Variants in ESRRB observed in about 807,000 individuals in gnomAD.
The protein encoded by ESRRB is steroid hormone receptor ERR2.
ESRRB carries 16 observed loss-of-function variants against 46.0 expected under a neutral mutation model. The observed-to-expected ratio is 0.35, with a 90% CI of 0.24 to 0.53. ESRRB has a LOEUF of 0.53. Among genes scored for constraint, ESRRB ranks in the 20% least tolerant of loss-of-function variants. The pLI, the probability that ESRRB is intolerant of heterozygous loss-of-function variation, is 0.93. For missense variants in ESRRB, 488 were observed against 607.4 expected, an observed-to-expected ratio of 0.80 and a Z score of 2.07; for synonymous variants, 246 against 259.6, an observed-to-expected ratio of 0.95 and a Z score of 0.50.
intron 1 of ESRRB, among the ~76,000 whole-genome samples, chr14:76,336,262 C>T (rs891199020): frequency 4.0e-5 from 6 of 151,008 alleles, no homozygotes; most frequent in Non-Finnish European, 5.9e-5. Context: ...TCCTCTCCTG[C>T]ACCTCTTTCA....
chr14:76,395,714 G>A (rs1163640785), intron 1 of ESRRB, among the ~76,000 whole-genome samples: 1 of 152,040 alleles, frequency 6.6e-6, no homozygotes. Context: ...AGCATTCTCT[G>A]TAAACACGGC....
chr14:76,414,263 G>A (rs1050491030), intron 1 of ESRRB, among the ~76,000 whole-genome samples: 5 of 132,968 alleles, frequency 3.8e-5, no homozygotes, highest in African/African-American at 8.8e-5. Flanking sequence ...GACCACAGGG[G>A]TTCAAATAAA....
At chr14:76,358,324 AAAGAAAGAAAGAAAG>A (rs1884411603) in intron 1 of ESRRB, among the ~76,000 whole-genome samples, 3 of 7,614 alleles carry the variant, frequency 3.9e-4, no homozygotes, top group East Asian at 5.0e-3. Flanking sequence ...AAAAAAAAAA[AAAGAAAGAAAGAAAG>A]AAAGAAAGAA....
At chr14:76,338,926 A>G (rs917868970) in intron 1 of ESRRB, among the ~76,000 whole-genome samples, 16 of 152,186 alleles carry the variant, frequency 1.1e-4, no homozygotes, top group African/African-American at 3.9e-4. Context: ...CTGGGCAACA[A>G]AGCTAGATTC....
chr14:76,466,626 T>G (rs1232108865), intron 3 of ESRRB, among the ~76,000 whole-genome samples: 2 of 152,108 alleles, frequency 1.3e-5, no homozygotes, highest in Admixed American at 1.3e-4. Flanking sequence ...AAAAGGTAAT[T>G]TTTCTCTTTT....
chr14:76,434,749 C>T (rs1366332946), intron 1 of ESRRB, among the ~76,000 whole-genome samples: 1 of 152,076 alleles, frequency 6.6e-6, no homozygotes, highest in Admixed American at 6.5e-5. Context: ...CAGACATTGT[C>T]TGCATTTTGG....
Position 76,376,470 on chromosome 14 carries a change from GGTCT to G in ESRRB, c.50+27_50+30del, listed in dbSNP as rs1189688051. On this transcript the variant is annotated intron_variant, in intron 1 of 6. Coordinates refer to ENST00000644823, the MANE Select transcript of ESRRB (RefSeq NM_001379180.1). This position sits in a 1 kb window ranked among gnomAD's most constrained non-coding sequence, Gnocchi z 4.1. ...ACAACCAGTAGGTGCCCTGCTTCTC[GGTCT>G]GTCTGTCCTTCTGCCCGTCTGGCAG... 8.1e-7 allele frequency: 1 copy of G among 1,230,978 alleles called. No individual in the cohort carries two copies. The highest frequency in any genetic ancestry group is 1.6e-5 in the African/African-American group (1 of 64,364). 76.3% of individuals were successfully genotyped at this position (1,230,978 alleles called of 1,614,324 possible).
chr14:76,405,496 G>T (rs1886144967), intron 1 of ESRRB, among the ~76,000 whole-genome samples: 1 of 152,184 alleles, frequency 6.6e-6, no homozygotes. Flanking sequence ...GCCTTGGGAA[G>T]TAGTGTGGGT....
intron 1 of ESRRB, among the ~76,000 whole-genome samples, chr14:76,391,355 T>C (rs1026426139): frequency 6.6e-6 from 1 of 152,172 alleles, no homozygotes; most frequent in African/African-American, 2.4e-5. Flanking sequence ...ACCTTTGCCA[T>C]CAGGAGGGGC....
intron 5 of ESRRB, among the ~76,000 whole-genome samples, chr14:76,484,018 T>G (rs1889909208): frequency 6.6e-6 from 1 of 152,168 alleles, no homozygotes; most frequent in Non-Finnish European, 1.5e-5. Context: ...CACACCCAGC[T>G]AATTTTTTTG....
At chr14:76,421,260 C>T (rs1409338730) in intron 1 of ESRRB, among the ~76,000 whole-genome samples, 1 of 152,132 alleles carries the variant, frequency 6.6e-6, no homozygotes, top group Non-Finnish European at 1.5e-5. Context: ...TGGTTAAAAT[C>T]CCATACATTG....
intron 1 of ESRRB, among the ~76,000 whole-genome samples, chr14:76,365,748 A>C (rs1884514523): frequency 6.6e-6 from 1 of 152,242 alleles, no homozygotes; most frequent in South Asian, 2.1e-4. Flanking sequence ...CTCAACAGCA[A>C]CTGCAAAAAT....
chr14:76,418,704 C>T (rs910325106), intron 1 of ESRRB, among the ~76,000 whole-genome samples: 15 of 151,498 alleles, frequency 9.9e-5, no homozygotes, highest in African/African-American at 3.6e-4. Flanking sequence ...AACCTCCCAC[C>T]TCCTGGGTTC....
At chr14:76,340,670 A>C (rs1322726607) in intron 1 of ESRRB, among the ~76,000 whole-genome samples, 4 of 152,200 alleles carry the variant, frequency 2.6e-5, no homozygotes, top group Admixed American at 1.3e-4. Context: ...AATGAGGAGC[A>C]ATTCAGTATC....
At chr14:76,373,961 A>T (rs563635214), upstream of ESRRB, among the ~76,000 whole-genome samples, 2 of 152,302 alleles carry the variant, frequency 1.3e-5, no homozygotes, top group South Asian at 4.1e-4. Flanking sequence ...TTTTCAGACC[A>T]TGAAGAGGAC....
chr14:76,434,408 T>C (rs1453550011), intron 1 of ESRRB, among the ~76,000 whole-genome samples: 2 of 151,942 alleles, frequency 1.3e-5, no homozygotes, highest in Admixed American at 1.3e-4. Flanking sequence ...TCCTAGCACT[T>C]TGGGAGGTAA....
chr14:76,355,653 T>C (rs1004003440), intron 1 of ESRRB, among the ~76,000 whole-genome samples: 1 of 152,142 alleles, frequency 6.6e-6, no homozygotes, highest in Non-Finnish European at 1.5e-5. Flanking sequence ...TAATAAATGC[T>C]CAAGGGTGGC....
At chr14:76,372,255 A>C (rs1884643399), upstream of ESRRB, among the ~76,000 whole-genome samples, 1 of 152,172 alleles carries the variant, frequency 6.6e-6, no homozygotes, top group South Asian at 2.1e-4. Context: ...AAATAGAGGC[A>C]TGGGGGACAG....
chr14:76,332,680 T>A (rs1166573229), intron 1 of ESRRB, among the ~76,000 whole-genome samples: 1 of 28,098 alleles, frequency 3.6e-5, no homozygotes, highest in Non-Finnish European at 6.1e-5. Flanking sequence ...ATTTATATAT[T>A]ATATATTTAT....
Sources: allele counts gnomAD v4.1 joint callset (sites outside exome capture counted in the v4.1 genomes callset), GRCh38; gene constraint gnomAD v4.1.1; non-coding constraint Gnocchi (gnomAD v3.1); transcripts MANE v1.5; gene names NCBI Gene and HGNC (gene_info 2026-07-23, HGNC 2026-07-21).